PEBP4: variants seen among roughly 807,000 people sequenced by gnomAD.
PEBP4 encodes phosphatidylethanolamine-binding protein 4.
In PEBP4, 22 loss-of-function variants were observed where a neutral mutation model predicts 23.9. That is an observed-to-expected ratio of 0.92 (90% CI 0.66 to 1.31). PEBP4 has a LOEUF of 1.31. Ranked by LOEUF, PEBP4 falls within the 40% of genes most tolerant of loss-of-function variation. The probability of loss-of-function intolerance (pLI) is 0.00; values close to 1 mark genes in which losing one functional copy is unlikely to be tolerated. For missense variants in PEBP4, 324 were observed against 281.7 expected, an observed-to-expected ratio of 1.15 and a Z score of -1.07; for synonymous variants, 112 against 99.3, an observed-to-expected ratio of 1.13 and a Z score of -0.76.
intron 3 of PEBP4, among the ~76,000 whole-genome samples, chr8:22,828,304 C>A (rs572513327): frequency 6.6e-6 from 1 of 152,314 alleles, no homozygotes; most frequent in Non-Finnish European, 1.5e-5. Flanking sequence ...TGGGGTTGTA[C>A]AAAGCCTTTG....
At chr8:22,812,202 A>G (rs1453756312) in intron 4 of PEBP4, among the ~76,000 whole-genome samples, 1 of 152,174 alleles carries the variant, frequency 6.6e-6, no homozygotes, top group Non-Finnish European at 1.5e-5. Context: ...GGAACCGATC[A>G]CTCAAGCACA....
chr8:22,918,036 C>G (rs1389252290), intron 3 of PEBP4, among the ~76,000 whole-genome samples: 3 of 152,220 alleles, frequency 2.0e-5, no homozygotes, highest in Non-Finnish European at 2.9e-5. Context: ...GTTTCCCCCT[C>G]TTTTCTGGCT....
In PEBP4 at chr8:22,727,158, C is replaced by T. The variant is rs1382858902; in HGVS notation, c.403+17G>A. 1 of 1,613,666 alleles carries T rather than the reference C, an allele frequency of 6.2e-7. No individual in the cohort carries two copies. Among genetic ancestry groups the T allele is most frequent in the Non-Finnish European group, 8.5e-7 (1 of 1,179,856 alleles). ...GATGCCCTGGCTGGGGGAAGGGGTC[C>T]CTAGGGTCTTACTCACCTGATAACT... On this transcript the variant is annotated intron_variant, in intron 5 of 6. Transcript: ENST00000256404.
intron 6 of PEBP4, among the ~76,000 whole-genome samples, chr8:22,713,969 C>T (rs1419007530): frequency 1.3e-5 from 2 of 152,268 alleles, no homozygotes; most frequent in Non-Finnish European, 2.9e-5. Flanking sequence ...TTCCTTCACA[C>T]CTGCTCACCC....
chr8:22,763,079 A>G (rs1343389281), intron 4 of PEBP4, among the ~76,000 whole-genome samples: 1 of 151,650 alleles, frequency 6.6e-6, no homozygotes, highest in Non-Finnish European at 1.5e-5. Context: ...ATCTTGGCTC[A>G]CTGCAACCTC....
At chr8:22,893,805 C>G (rs114562757) in intron 3 of PEBP4, among the ~76,000 whole-genome samples, 177 of 152,156 alleles carry the variant, frequency 1.2e-3, no homozygotes, top group African/African-American at 4.0e-3. Context: ...TATCAGTGAG[C>G]TGTGGGACAT....
intron 3 of PEBP4, among the ~76,000 whole-genome samples, chr8:22,912,811 G>A (rs1808971117): frequency 1.3e-5 from 2 of 152,222 alleles, no homozygotes; most frequent in African/African-American, 4.8e-5. Context: ...GGACACAGCT[G>A]AGTGATGTTA....
intron 3 of PEBP4, chr8:22,884,198 G>C (rs1386853682): frequency 2.0e-5 from 3 of 152,324 alleles, no homozygotes; most frequent in African/African-American, 7.2e-5. Flanking sequence ...AGCAGACACA[G>C]GGACCTCTTT....
chr8:22,869,704 A>G (rs1246253775), intron 3 of PEBP4, among the ~76,000 whole-genome samples: 1 of 152,252 alleles, frequency 6.6e-6, no homozygotes, highest in Non-Finnish European at 1.5e-5. Context: ...CTCTGAAAAC[A>G]TAACCATAGG....
At chr8:22,930,011 A>T (rs1809429580), upstream of PEBP4, among the ~76,000 whole-genome samples, 1 of 152,172 alleles carries the variant, frequency 6.6e-6, no homozygotes. Flanking sequence ...CCCAGAGTCC[A>T]CGCTCTTAAC....
At chr8:22,746,885 C>T (rs1490229965) in intron 4 of PEBP4, among the ~76,000 whole-genome samples, 1 of 152,226 alleles carries the variant, frequency 6.6e-6, no homozygotes, top group African/African-American at 2.4e-5. Flanking sequence ...GACTCTCGTT[C>T]TGTCACCCAG....
In PEBP4 at chr8:22,877,696, G is replaced by A. The variant is rs117554264; in HGVS notation, c.258+42488C>T. Among the ~76,000 whole-genome samples the A allele has an allele frequency of 6.0e-4, 91 of 150,820 alleles. No homozygotes were observed. In the East Asian group the frequency reaches 6.1e-3, roughly 10 times the overall value. Reference sequence around the variant, plus strand: ...CTCCCCCTCCTGTTATGAAACCCACGGGGACAACCACACATGTGGGCAGCC... The same window carrying A: ...CTCCCCCTCCTGTTATGAAACCCACAGGGACAACCACACATGTGGGCAGCC... On this transcript the variant is annotated intron_variant, in intron 3 of 6. Transcript: ENST00000256404.
At chr8:22,868,182 T>A (rs1282415391) in intron 3 of PEBP4, among the ~76,000 whole-genome samples, 2 of 152,180 alleles carry the variant, frequency 1.3e-5, no homozygotes, top group Non-Finnish European at 2.9e-5. Flanking sequence ...TCTTTGCAGG[T>A]CAGAAATGTC....
chr8:22,933,385 G>A (rs1184522916), intron 1 of PEBP4, among the ~76,000 whole-genome samples: 1 of 152,148 alleles, frequency 6.6e-6, no homozygotes, highest in East Asian at 1.9e-4. Context: ...TCAAACTGTT[G>A]GAAGCCAAAG....
intron 4 of PEBP4, among the ~76,000 whole-genome samples, chr8:22,785,508 T>C (rs1806010207): frequency 6.6e-6 from 1 of 152,182 alleles, no homozygotes; most frequent in Non-Finnish European, 1.5e-5. Flanking sequence ...GTCGGCGGTC[T>C]GGCTTGGGAC....
At chr8:22,726,125 T>C (rs574268806) in intron 5 of PEBP4, among the ~76,000 whole-genome samples, 2 of 152,134 alleles carry the variant, frequency 1.3e-5, no homozygotes, top group South Asian at 4.2e-4. Flanking sequence ...TGTGTGTACA[T>C]GAACAGCCAG....
rs1294145296 is a variant in PEBP4 at position 22,721,498 on chromosome 8, A to G, written c.517+3345T>C. The stretch of plus-strand genomic sequence containing the variant: ...TGACAGGCTCTACTAGAATCATCTC[A>G]AGCCTCCTTCTTCACCCTAAGCCTG... On this transcript the variant is annotated intron_variant, in intron 6 of 6. Coordinates refer to ENST00000256404, the MANE Select transcript of PEBP4 (RefSeq NM_144962.3). 2.6e-5 allele frequency among the ~76,000 whole-genome samples: 4 copies of G among 151,810 alleles called. No individual in the cohort carries two copies. The East Asian group carries it at 7.7e-4, about 29-fold the overall frequency.
chr8:22,780,396 C>G (rs568585015), intron 4 of PEBP4, among the ~76,000 whole-genome samples: 17 of 152,254 alleles, frequency 1.1e-4, no homozygotes, highest in African/African-American at 4.1e-4. Context: ...TGGAGTAGCT[C>G]GTACCTTGAG....
At chr8:22,916,415 C>A (rs1369499422) in intron 3 of PEBP4, among the ~76,000 whole-genome samples, 2 of 152,214 alleles carry the variant, frequency 1.3e-5, no homozygotes, top group Non-Finnish European at 2.9e-5. Flanking sequence ...GGGAGCCAGC[C>A]ACGTTTTCCT....
Sources: gnomAD v4.1 joint callset for allele counts (sites outside exome capture counted in the v4.1 genomes callset) on GRCh38, gnomAD v4.1.1 for gene constraint, MANE v1.5 for transcripts, NCBI Gene and HGNC (gene_info 2026-07-23, HGNC 2026-07-21) for gene names.